Variants in SAR1B observed in about 807,000 individuals in gnomAD.
SAR1B encodes the protein secretion associated Ras related GTPase 1B, also known as small COPII coat GTPase SAR1B.
Under a neutral mutation model 26.8 loss-of-function variants are expected in SAR1B, and 23 were observed. The observed-to-expected ratio is 0.86, with a 90% CI of 0.62 to 1.22. The LOEUF (loss-of-function observed/expected upper bound fraction) is 1.22. Ranked by LOEUF, SAR1B falls within the 50% of genes most tolerant of loss-of-function variation. The probability of loss-of-function intolerance (pLI) is 0.00; values close to 1 mark genes in which losing one functional copy is unlikely to be tolerated. For synonymous variants in SAR1B, 65 were observed against 80.8 expected (o/e 0.80, Z 1.05); for missense variants, 196 against 232.8 (o/e 0.84, Z 1.03).
chr5:134,604,922 TAAG>T lies in SAR1B; in HGVS notation c.*2025_*2027del, dbSNP rs1434814484. On this transcript the variant is annotated 3_prime_UTR_variant, in exon 7 of 7. Transcript: ENST00000402673. The stretch of plus-strand genomic sequence containing the variant: ...GGCTTAGTTCTATTTAGTCAGAACT[TAAG>T]GAGTACTTTAAACCTATCTGGAAGA... 3 of 152,204 alleles carry T rather than the reference TAAG, an allele frequency of 2.0e-5. No individual in the cohort carries two copies. The highest frequency in any genetic ancestry group is 7.2e-5 in the African/African-American group (3 of 41,460). The allele number at this position is 152,204 out of a possible 1,614,324, so 9.4% of individuals were successfully genotyped here.
intron 1 of SAR1B, among the ~76,000 whole-genome samples, chr5:134,624,369 A>G (rs1765462023): frequency 6.6e-6 from 1 of 152,056 alleles, no homozygotes. Flanking sequence ...AGATTGTGCC[A>G]CTGTACTCCT....
At chr5:134,617,704 C>T (rs1252444318) in intron 3 of SAR1B, among the ~76,000 whole-genome samples, 1 of 151,908 alleles carries the variant, frequency 6.6e-6, no homozygotes, top group Non-Finnish European at 1.5e-5. Flanking sequence ...TTTTTCGAGA[C>T]AGAGTCTCCC....
chr5:134,619,342 A>C (rs1765365354), intron 3 of SAR1B, among the ~76,000 whole-genome samples: 2 of 151,062 alleles, frequency 1.3e-5, no homozygotes, highest in South Asian at 4.2e-4. Context: ...AAAAAAAAAA[A>C]ACTTTCAATT....
rs1017459653 is a variant in SAR1B, at chr5:134,608,424, C to G, written c.428G>C (p.Ser143Thr). 7 of 1,608,474 alleles carry G rather than the reference C, an allele frequency of 4.4e-6. No homozygotes were observed. Among genetic ancestry groups the G allele is most frequent in the Non-Finnish European group, 5.9e-6 (7 of 1,177,562 alleles). Reference sequence around the variant, plus strand: ...AAACATCTCTCGCAACCTCTCTTCACTGATGGCTTCAGGTCTGTCGATCTT... The same window carrying G: ...AAACATCTCTCGCAACCTCTCTTCAGTGATGGCTTCAGGTCTGTCGATCTT... ...GNKIDRPEAI[S>T]EERLREMFGL... Residue 143 changes from serine (S) to threonine (T), a missense_variant, in exon 6 of 7, where the codon AGT becomes ACT. Physicochemically the swap from Ser to Thr is moderately conservative, Grantham distance 58 (BLOSUM62 1). Transcript: ENST00000402673.
intron 1 of SAR1B, among the ~76,000 whole-genome samples, chr5:134,627,221 T>G (rs1765507948): frequency 6.6e-6 from 1 of 151,860 alleles, no homozygotes; most frequent in African/African-American, 2.4e-5. Flanking sequence ...CTGGCTAATT[T>G]TTTATATTTT....
rs1027957269 is a variant in SAR1B at position 134,601,344 on chromosome 5, T to C, written c.*5606A>G. 3 of 152,200 alleles carry C rather than the reference T, an allele frequency of 2.0e-5. No individual in the cohort carries two copies. The highest frequency in any genetic ancestry group is 6.5e-5 in the Admixed American group (1 of 15,274). 9.4% of individuals were successfully genotyped at this position (152,200 alleles called of 1,614,324 possible). A position where few individuals can be genotyped will look rare whatever the true frequency, so the allele number is the denominator to read the frequency against. ...TTTATATAAATTATCCTTAATAATC[T>C]GTATACACTGTAAAACAATTGAAAA... On this transcript the variant is annotated 3_prime_UTR_variant, in exon 7 of 7. Transcript: ENST00000402673.
At chr5:134,628,890 G>A (rs1056775420) in intron 1 of SAR1B, among the ~76,000 whole-genome samples, 1 of 151,960 alleles carries the variant, frequency 6.6e-6, no homozygotes, top group Non-Finnish European at 1.5e-5. Flanking sequence ...TCCTGACCTC[G>A]AGATCCACTC....
chr5:134,624,517 G>C (rs1394333082), intron 1 of SAR1B, among the ~76,000 whole-genome samples: 1 of 152,024 alleles, frequency 6.6e-6, no homozygotes. Flanking sequence ...AATGGGATAA[G>C]AGGTTAATAG....
At chr5:134,609,923 T>C (rs1198026990) in intron 4 of SAR1B, among the ~76,000 whole-genome samples, 2 of 151,192 alleles carry the variant, frequency 1.3e-5, no homozygotes, top group South Asian at 4.2e-4. Context: ...ATGTAAGGAG[T>C]AGAATATTTA....
chr5:134,608,414 CCT>C lies in SAR1B; in HGVS notation c.436_437del (p.Arg146ValfsTer33). ...IDRPEAISEE[R>X]LREMFGLYGQ... ...CATATAAACCAAACATCTCTCGCAA[CCT>C]CTCTTCACTGATGGCTTCAGGTCTG... On this transcript the variant is annotated frameshift_variant, in exon 6 of 7. Transcript: ENST00000402673. LOFTEE classifies it high-confidence loss of function. 1 of 1,605,408 alleles carries C rather than the reference CCT, an allele frequency of 6.2e-7. No individual in the cohort carries two copies. The highest frequency in any genetic ancestry group is 1.3e-5 in the African/African-American group (1 of 74,676).
chr5:134,622,771 A>G (rs1765431169), intron 2 of SAR1B, among the ~76,000 whole-genome samples: 1 of 151,856 alleles, frequency 6.6e-6, no homozygotes, highest in Admixed American at 6.6e-5. Context: ...GCACTATTAT[A>G]TAAATAAAAT....
intron 2 of SAR1B, 115 bp downstream of exon 2, chr5:134,623,847 A>G: frequency 1.3e-6 from 1 of 745,592 alleles, no homozygotes; most frequent in East Asian, 2.5e-5. Context: ...CAAAGCCCAT[A>G]TTCTTAACTA....
chr5:134,604,088 TTCACTG>T lies in SAR1B; in HGVS notation c.*2856_*2861del, dbSNP rs1354983410. ...AATGCTATAATCTCCATTCTAAAAA[TTCACTG>T]AGATAAACTGAAATCTATCAATTTA... is the stretch of plus-strand genomic sequence containing the variant. On this transcript the variant is annotated 3_prime_UTR_variant, in exon 7 of 7. Transcript: ENST00000402673. 1 of 152,212 alleles carries T rather than the reference TTCACTG, an allele frequency of 6.6e-6. No homozygotes were observed. The highest frequency in any genetic ancestry group is 2.4e-5 in the African/African-American group (1 of 41,452). 9.4% of individuals were successfully genotyped at this position (152,212 alleles called of 1,614,324 possible). A position where few individuals can be genotyped will look rare whatever the true frequency, so the allele number is the denominator to read the frequency against.
Position 134,621,103 on chromosome 5 carries a change from C to T in SAR1B, c.59-51G>A, listed in dbSNP as rs111280103. The T allele has an allele frequency of 6.6e-4, 1,042 of 1,589,184 alleles. 4 individuals are homozygous for T. In the African/African-American group the frequency reaches 0.012, roughly 18 times the overall value. On this transcript the variant is annotated intron_variant, in intron 2 of 6. Transcript: ENST00000402673. Reference sequence around the variant, plus strand: ...CAAAGTGATATCTGATACTAATTATCCAAATGAATTTAAATTTGGCCCAAT... The same window carrying T: ...CAAAGTGATATCTGATACTAATTATTCAAATGAATTTAAATTTGGCCCAAT...
At chr5:134,613,936 G>A (rs1279891845) in intron 3 of SAR1B, 1 of 152,094 alleles carries the variant, frequency 6.6e-6, no homozygotes, top group Non-Finnish European at 1.5e-5. Flanking sequence ...AGTTTCTGTT[G>A]CATTGAGTTA....
chr5:134,615,347 C>CA (rs1169325540), intron 3 of SAR1B, among the ~76,000 whole-genome samples: 3,344 of 87,638 alleles, frequency 0.038, 100 homozygotes, highest in African/African-American at 0.089. Context: ...GACTCCATCT[C>CA]AAAAAAAAAA....
chr5:134,603,397 G>C lies in SAR1B; in HGVS notation c.*3553C>G. The C allele has an allele frequency of 6.6e-6, 1 of 152,226 alleles. No homozygotes were observed. Among genetic ancestry groups the C allele is most frequent in the East Asian group, 1.9e-4 (1 of 5,202 alleles). The allele number at this position is 152,226 out of a possible 1,614,324, so 9.4% of individuals were successfully genotyped here. A position where few individuals can be genotyped will look rare whatever the true frequency, so the allele number is the denominator to read the frequency against. On this transcript the variant is annotated 3_prime_UTR_variant, in exon 7 of 7. Coordinates refer to ENST00000402673, the MANE Select transcript of SAR1B (RefSeq NM_016103.4). ...TGTGAAATGCTGGGTTTTGAATGTA[G>C]TTAATAAAATAATTTTCTAGAATGC...
At chr5:134,612,837 C>T (rs909274962) in intron 3 of SAR1B, 81 bp from the exon 4 acceptor site, 11 of 1,289,382 alleles carry the variant, frequency 8.5e-6, no homozygotes, top group Non-Finnish European at 1.2e-5. Context: ...GGTTCCTTTT[C>T]AAAGACTTTC....
chr5:134,632,667 C>T (rs1393257153), intron 1 of SAR1B, 61 bp downstream of exon 1: 1 of 152,338 alleles, frequency 6.6e-6, no homozygotes, highest in Non-Finnish European at 1.5e-5. Context: ...AAAAGTGCGC[C>T]TTCTAGGGGA....
Sources: allele counts gnomAD v4.1 joint callset (sites outside exome capture counted in the v4.1 genomes callset), GRCh38; gene constraint gnomAD v4.1.1; transcripts MANE v1.5; gene names NCBI Gene and HGNC (gene_info 2026-07-23, HGNC 2026-07-21).